Variants in ANKS1B observed in about 807,000 individuals in gnomAD.
The protein encoded by ANKS1B is ankyrin repeat and sterile alpha motif domain-containing protein 1B.
Under a neutral mutation model 148.3 loss-of-function variants are expected in ANKS1B, and 36 were observed. The ratio of observed to expected loss-of-function variants is 0.24; its 90% CI spans 0.19 to 0.32. The LOEUF (loss-of-function observed/expected upper bound fraction) is 0.32. ANKS1B is among the 10% of genes least tolerant of loss of function. The pLI, the probability that ANKS1B is intolerant of heterozygous loss-of-function variation, is 1.00. For missense variants in ANKS1B, 1,157 were observed against 1,542.6 expected (o/e 0.75, Z 4.19); for synonymous variants, 542 against 560.8 (o/e 0.97, Z 0.47).
At chr12:99,698,364 G>A (rs2054249738) in intron 8 of ANKS1B, among the ~76,000 whole-genome samples, 1 of 152,000 alleles carries the variant, frequency 6.6e-6, no homozygotes, top group Non-Finnish European at 1.5e-5. Flanking sequence ...GGCATTGCTG[G>A]TATTGTACAG....
chr12:99,234,096 G>C (rs1000091333), intron 14 of ANKS1B, among the ~76,000 whole-genome samples: 3 of 152,066 alleles, frequency 2.0e-5, no homozygotes, highest in Admixed American at 6.6e-5. Flanking sequence ...AAAAACTACA[G>C]AGCTCTGTTA....
rs1166158783 is a variant in ANKS1B, at chr12:98,953,537, G to GTTTTTTTTTTTTTTTTTTTTT, written c.2778+99599_2778+99619dup. Among the ~76,000 whole-genome samples the GTTTTTTTTTTTTTTTTTTTTT allele has an allele frequency of 3.1e-4, 18 of 57,456 alleles. 3 individuals carry two copies. Among genetic ancestry groups the GTTTTTTTTTTTTTTTTTTTTT allele is most frequent in the African/African-American group, 9.6e-4 (13 of 13,570 alleles). The allele number at this position is 57,456 out of a possible 152,430, so 37.7% of individuals were successfully genotyped here. On this transcript the variant is annotated intron_variant, in intron 17 of 26. Coordinates refer to ENST00000683438, the MANE Select transcript of ANKS1B (RefSeq NM_001352186.2). ...CATGTCCATTTGAGAATCTAGAGTGGTTTTTTTTTTTTTTTTTTTTTTTTT... is the reference window on the plus strand; with the variant it reads ...CATGTCCATTTGAGAATCTAGAGTGGTTTTTTTTTTTTTTTTTTTTTTTTTTTTTTTTTTTTTTTTTTTTTT...
intron 8 of ANKS1B, among the ~76,000 whole-genome samples, chr12:99,739,208 G>C (rs1471353258): frequency 1.3e-5 from 2 of 150,584 alleles, no homozygotes; most frequent in East Asian, 3.9e-4. Context: ...CTAAACCACT[G>C]TGGCCTTCAA....
intron 17 of ANKS1B, among the ~76,000 whole-genome samples, chr12:98,978,722 C>T (rs1298102992): frequency 1.3e-5 from 2 of 151,810 alleles, no homozygotes; most frequent in African/African-American, 4.8e-5. Flanking sequence ...CTTCTATTTC[C>T]CCATTTTTCC....
chr12:99,135,381 TC>T (rs2067674865), intron 15 of ANKS1B, among the ~76,000 whole-genome samples: 1 of 152,014 alleles, frequency 6.6e-6, no homozygotes, highest in Non-Finnish European at 1.5e-5. Context: ...GAAGGGAATT[TC>T]CCAAAATGTA....
At chr12:99,168,528 A>G (rs1390158619) in intron 14 of ANKS1B, among the ~76,000 whole-genome samples, 2 of 152,236 alleles carry the variant, frequency 1.3e-5, no homozygotes, top group Admixed American at 1.3e-4. Context: ...TCAAAAAAAA[A>G]AAAAAGGAAG....
At chr12:99,392,952 A>T (rs1457830926) in intron 12 of ANKS1B, among the ~76,000 whole-genome samples, 1 of 152,036 alleles carries the variant, frequency 6.6e-6, no homozygotes, top group African/African-American at 2.4e-5. Context: ...CCCCATCTCC[A>T]CTAATATCAG....
Position 99,772,756 on chromosome 12 carries a change from T to C in ANKS1B, c.1128+166A>G, listed in dbSNP as rs138815705. On this transcript the variant is annotated intron_variant, in intron 8 of 26. Coordinates refer to ENST00000683438, the MANE Select transcript of ANKS1B (RefSeq NM_001352186.2). ...GTCAAAGCACTCCTTCCCCTACACATGCACTGCGAGTAAAACCCCAAAGAA... is the reference window on the plus strand; with the variant it reads ...GTCAAAGCACTCCTTCCCCTACACACGCACTGCGAGTAAAACCCCAAAGAA... 1.7e-4 allele frequency: 97 copies of C among 575,052 alleles called. No individual in the cohort carries two copies. In the East Asian group the frequency reaches 3.1e-3, roughly 18 times the overall value. The allele number at this position is 575,052 out of a possible 1,614,324, so 35.6% of individuals were successfully genotyped here.
At chr12:98,798,624 G>A (rs910659804) in intron 22 of ANKS1B, among the ~76,000 whole-genome samples, 51 of 152,010 alleles carry the variant, frequency 3.4e-4, no homozygotes, top group African/African-American at 9.9e-4. Context: ...TATTCAGTGC[G>A]TGCTTAAAAC....
chr12:99,835,675 T>G (rs1488723), intron 1 of ANKS1B, among the ~76,000 whole-genome samples: 1,902 of 152,330 alleles, frequency 0.012, 40 homozygotes, highest in African/African-American at 0.042. Flanking sequence ...CTAGCCACAT[T>G]TCAAATGCTT....
chr12:99,182,983 C>A (rs1328302588), intron 14 of ANKS1B, among the ~76,000 whole-genome samples: 1 of 152,088 alleles, frequency 6.6e-6, no homozygotes, highest in African/African-American at 2.4e-5. Flanking sequence ...CTATTCAGAT[C>A]TTTTGCTCAG....
chr12:99,522,710 T>A (rs2096887062), intron 9 of ANKS1B, among the ~76,000 whole-genome samples: 1 of 152,198 alleles, frequency 6.6e-6, no homozygotes, highest in Non-Finnish European at 1.5e-5. Context: ...CAGCTGACAG[T>A]ATGAGTCAGA....
intron 17 of ANKS1B, among the ~76,000 whole-genome samples, chr12:98,966,997 C>A (rs1420588806): frequency 4.6e-5 from 7 of 151,958 alleles, no homozygotes; most frequent in Admixed American, 4.6e-4. Context: ...ATGTAACAAA[C>A]CTGCACGTTG....
At chr12:99,871,454 G>A (rs573451667) in intron 1 of ANKS1B, among the ~76,000 whole-genome samples, 8 of 152,180 alleles carry the variant, frequency 5.3e-5, no homozygotes, top group African/African-American at 1.9e-4. Context: ...GAAAAATGAC[G>A]TTGGTAGTTT....
intron 4 of ANKS1B, among the ~76,000 whole-genome samples, chr12:99,784,752 G>A (rs1196369155): frequency 6.6e-6 from 1 of 152,192 alleles, no homozygotes; most frequent in Admixed American, 6.5e-5. Context: ...TAGGTCTAAA[G>A]AGTATGCTTT....
intron 9 of ANKS1B, among the ~76,000 whole-genome samples, chr12:99,615,820 G>C (rs1219362647): frequency 1.3e-5 from 2 of 152,074 alleles, no homozygotes; most frequent in African/African-American, 4.8e-5. Flanking sequence ...AAGAAATAAA[G>C]GGTATTCAAA....
intron 9 of ANKS1B, among the ~76,000 whole-genome samples, chr12:99,563,061 AAG>A (rs1381499408): frequency 6.6e-6 from 1 of 152,168 alleles, no homozygotes; most frequent in African/African-American, 2.4e-5. Flanking sequence ...CATAAAATTG[AAG>A]AGAGTTAAGC....
intron 25 of ANKS1B, among the ~76,000 whole-genome samples, chr12:98,754,664 A>C (rs17815383): frequency 0.076 from 11,646 of 152,332 alleles, 589 homozygotes; most frequent in Middle Eastern, 0.16. Context: ...AGTTACTGAA[A>C]GCGAGATCTA....
chr12:99,174,236 C>A (rs2078115446), intron 14 of ANKS1B, among the ~76,000 whole-genome samples: 1 of 152,150 alleles, frequency 6.6e-6, no homozygotes, highest in African/African-American at 2.4e-5. Flanking sequence ...TATCAACAGC[C>A]ATGTAAATGA....
Sources: allele counts gnomAD v4.1 joint callset (sites outside exome capture counted in the v4.1 genomes callset), GRCh38; gene constraint gnomAD v4.1.1; transcripts MANE v1.5; gene names NCBI Gene and HGNC (gene_info 2026-07-23, HGNC 2026-07-21).